The following GALNT13 variants were observed in gnomAD, a reference collection of about 807,000 sequenced individuals.
The protein encoded by GALNT13 is UDP-GalNAc:polypeptide N-acetylgalactosaminyltransferase 13.
Under a neutral mutation model 64.2 loss-of-function variants are expected in GALNT13, and 28 were observed. The observed-to-expected ratio is 0.44, with a 90% CI of 0.32 to 0.60. GALNT13 has a LOEUF of 0.60. GALNT13 is among the 20% of genes least tolerant of loss of function. GALNT13 has a pLI of 0.05. For missense variants in GALNT13, 577 were observed against 669.8 expected (o/e 0.86, Z 1.53); for synonymous variants, 214 against 224.6 (o/e 0.95, Z 0.42).
At chr2:154,039,086 A>G (rs183711220) in intron 3 of GALNT13, among the ~76,000 whole-genome samples, 1 of 152,288 alleles carries the variant, frequency 6.6e-6, no homozygotes, top group Admixed American at 6.5e-5. Context: ...TAGAATAGCT[A>G]TTCTCAAAAA....
intron 3 of GALNT13, among the ~76,000 whole-genome samples, chr2:154,056,162 A>C (rs1390307552): frequency 3.3e-5 from 5 of 152,178 alleles, no homozygotes; most frequent in Non-Finnish European, 7.4e-5. Flanking sequence ...AAAACTCAGA[A>C]AGTTATTTTT....
intron 9 of GALNT13, among the ~76,000 whole-genome samples, chr2:154,318,374 T>C (rs772571316): frequency 1.3e-5 from 2 of 152,226 alleles, no homozygotes; most frequent in Non-Finnish European, 2.9e-5. Context: ...GAAGGAGTGA[T>C]GAATTAGTAA....
chr2:153,280,698 C>A, the GALNT13 span, among the ~76,000 whole-genome samples: 1 of 152,134 alleles, frequency 6.6e-6, no homozygotes. Flanking sequence ...GCAATGGTTT[C>A]TATTTTTATC....
chr2:153,635,089 A>G, the GALNT13 span, among the ~76,000 whole-genome samples: 2 of 152,040 alleles, frequency 1.3e-5, no homozygotes, highest in African/African-American at 4.8e-5. Context: ...TTGTTCTTGA[A>G]AGCAGGGGAA....
intron 7 of GALNT13, among the ~76,000 whole-genome samples, chr2:154,247,491 T>C (rs1476323271): frequency 6.6e-6 from 1 of 152,060 alleles, no homozygotes; most frequent in African/African-American, 2.4e-5. Flanking sequence ...GGCATGTTTA[T>C]ACTCATTTAA....
chr2:153,423,103 A>G, the GALNT13 span, among the ~76,000 whole-genome samples: 1 of 151,936 alleles, frequency 6.6e-6, no homozygotes, highest in African/African-American at 2.4e-5. Flanking sequence ...AATTGATATA[A>G]AAATAATAGC....
chr2:153,508,972 A>ATC, the GALNT13 span, among the ~76,000 whole-genome samples: 1 of 152,202 alleles, frequency 6.6e-6, no homozygotes, highest in African/African-American at 2.4e-5. Context: ...TGCGAAGGTG[A>ATC]AACAGACAAA....
chr2:154,153,901 T>C (rs1684232886), intron 4 of GALNT13, among the ~76,000 whole-genome samples: 1 of 152,212 alleles, frequency 6.6e-6, no homozygotes, highest in Non-Finnish European at 1.5e-5. Context: ...GGCAATGCCT[T>C]GCCCTGCTTC....
chr2:153,995,193 T>C (rs1384553234), intron 3 of GALNT13, among the ~76,000 whole-genome samples: 1 of 152,114 alleles, frequency 6.6e-6, no homozygotes, highest in African/African-American at 2.4e-5. Context: ...TTTCCGTGTT[T>C]TCAGCTTTTT....
the GALNT13 span, among the ~76,000 whole-genome samples, chr2:153,155,930 G>T: frequency 6.6e-6 from 1 of 152,072 alleles, no homozygotes; most frequent in Admixed American, 6.6e-5. Context: ...CTGGTATGTT[G>T]TCTCTTTGTT....
At chr2:154,187,501 C>T (rs1032294281) in intron 4 of GALNT13, among the ~76,000 whole-genome samples, 1 of 151,756 alleles carries the variant, frequency 6.6e-6, no homozygotes, top group Non-Finnish European at 1.5e-5. Context: ...CACTGTTCAC[C>T]TCATGATGGT....
At chr2:153,426,510 A>C in the GALNT13 span, among the ~76,000 whole-genome samples, 46 of 151,980 alleles carry the variant, frequency 3.0e-4, no homozygotes, top group Non-Finnish European at 1.8e-4. Flanking sequence ...GTCTTTGTTC[A>C]TCTTTACGGT....
intron 8 of GALNT13, among the ~76,000 whole-genome samples, chr2:154,298,482 TATATATAAATTATATATAC>T (rs1241641186): frequency 1.8e-5 from 2 of 114,276 alleles, no homozygotes; most frequent in African/African-American, 3.2e-5. Context: ...ATATATAAAT[TATATATAAATTATATATAC>T]ATATATAAAT....
intron 3 of GALNT13, among the ~76,000 whole-genome samples, chr2:154,008,481 A>G (rs1696406975): frequency 6.6e-6 from 1 of 152,042 alleles, no homozygotes; most frequent in African/African-American, 2.4e-5. Flanking sequence ...TTTGTTATAT[A>G]GGTAAATTGT....
chr2:153,180,515 ATT>A, the GALNT13 span, among the ~76,000 whole-genome samples: 1 of 152,082 alleles, frequency 6.6e-6, no homozygotes, highest in South Asian at 2.1e-4. Flanking sequence ...ATTTCACTCT[ATT>A]ATCAGAGTAG....
At chr2:154,337,256 G>T (rs577477193) in intron 9 of GALNT13, among the ~76,000 whole-genome samples, 32 of 152,134 alleles carry the variant, frequency 2.1e-4, no homozygotes, top group East Asian at 9.7e-4. Flanking sequence ...TTAAAATGTG[G>T]TCTTACTGAT....
the GALNT13 span, among the ~76,000 whole-genome samples, chr2:153,799,686 G>A: frequency 2.6e-5 from 4 of 152,168 alleles, no homozygotes; most frequent in Admixed American, 6.5e-5. Context: ...CTATATCACC[G>A]TATCAGATAT....
At chr2:154,213,327 G>T (rs1017810084) in intron 4 of GALNT13, among the ~76,000 whole-genome samples, 1 of 152,026 alleles carries the variant, frequency 6.6e-6, no homozygotes, top group Non-Finnish European at 1.5e-5. Context: ...CAGTATGCTT[G>T]CCCCAGCCTC....
chr2:154,431,785 A>G (rs1326024115), intron 11 of GALNT13, among the ~76,000 whole-genome samples: 1 of 152,204 alleles, frequency 6.6e-6, no homozygotes, highest in Non-Finnish European at 1.5e-5. Flanking sequence ...ATGATAGTGA[A>G]TAAGTCTCAC....
Sources: gnomAD v4.1 joint callset for allele counts (sites outside exome capture counted in the v4.1 genomes callset) on GRCh38, gnomAD v4.1.1 for gene constraint, MANE v1.5 for transcripts, NCBI Gene and HGNC (gene_info 2026-07-23, HGNC 2026-07-21) for gene names.